The following SLC35E4 variants were observed in gnomAD, a reference collection of about 807,000 sequenced individuals.
SLC35E4 encodes solute carrier family 35, member E4.
SLC35E4 carries 15 observed loss-of-function variants against 19.3 expected under a neutral mutation model. That is an observed-to-expected ratio of 0.78 (90% confidence interval 0.52 to 1.20). The LOEUF is 1.20. Ranked by LOEUF, SLC35E4 falls within the 50% of genes most tolerant of loss-of-function variation. The pLI is 0.00. For missense variants in SLC35E4, 406 were observed against 472.3 expected, an observed-to-expected ratio of 0.86 and a Z score of 1.30; for synonymous variants, 219 against 219.9, an observed-to-expected ratio of 1.00 and a Z score of 0.04.
At chr22:30,663,947 G>C (rs1374312333), downstream of SLC35E4, 1 of 1,614,200 alleles carries the variant, frequency 6.2e-7, no homozygotes, top group Non-Finnish European at 8.5e-7. Flanking sequence ...TCTGCGAGAG[G>C]CCGCTGACTG....
intron 1 of SLC35E4, among the ~76,000 whole-genome samples, chr22:30,640,227 T>C (rs9621055): frequency 0.15 from 22,264 of 151,686 alleles, 3,186 homozygotes; most frequent in African/African-American, 0.37. Flanking sequence ...AAAAATTAGC[T>C]GGGCGTGGTG....
chr22:30,650,280 C>T (rs985919263), downstream of SLC35E4, among the ~76,000 whole-genome samples: 5 of 151,406 alleles, frequency 3.3e-5, no homozygotes, highest in East Asian at 1.9e-4. Context: ...TGCAGTGAGC[C>T]GAGATCATGC....
At chr22:30,649,105 A>G, downstream of SLC35E4, 1 of 707,668 alleles carries the variant, frequency 1.4e-6, no homozygotes, top group Non-Finnish European at 2.6e-6. Flanking sequence ...TGGAGTGAGA[A>G]CACCTGGAAC....
At chr22:30,664,053 C>A, downstream of SLC35E4, 1 of 1,524,338 alleles carries the variant, frequency 6.6e-7, no homozygotes, top group South Asian at 1.2e-5. Flanking sequence ...AAGGCTGCGT[C>A]TTTCTGCTAG....
chr22:30,654,187 T>G (rs1284461544), intron 2 of SLC35E4: 1 of 270,098 alleles, frequency 3.7e-6, no homozygotes, highest in Non-Finnish European at 7.3e-6. Flanking sequence ...GGTTTCACCA[T>G]GTTAGCCAGG....
At chr22:30,651,583 A>G (rs964849176), downstream of SLC35E4, among the ~76,000 whole-genome samples, 1 of 151,062 alleles carries the variant, frequency 6.6e-6, no homozygotes, top group African/African-American at 2.4e-5. Context: ...CTTGGCCAAA[A>G]TAAACATTTC....
downstream of SLC35E4, among the ~76,000 whole-genome samples, chr22:30,651,427 ATTTTTTT>A (rs1160256288): frequency 1.4e-4 from 3 of 22,164 alleles, no homozygotes; most frequent in African/African-American, 2.1e-4. Context: ...ATATATATAT[ATTTTTTT>A]TTTTTTTTTT....
rs760033854 is a variant in SLC35E4, at chr22:30,636,700, GCCCT to G, written c.251_254del (p.Ala84GlyfsTer44). On this transcript the variant is annotated frameshift_variant, in exon 1 of 2. Coordinates refer to ENST00000343605, the MANE Select transcript of SLC35E4 (RefSeq NM_001001479.4). LOFTEE classifies it high-confidence loss of function. Reference sequence around the variant, plus strand: ...CTTTGGGCGGCCCCTGCTGCTGTCGGCCCTGCACATGCTGGTGGCAGCCCTGGCA... The same window carrying G: ...CTTTGGGCGGCCCCTGCTGCTGTCGGGCACATGCTGGTGGCAGCCCTGGCA... 2.1e-4 allele frequency: 342 copies of G among 1,611,762 alleles called. No homozygotes were observed. The highest frequency in any genetic ancestry group is 2.8e-4 in the Non-Finnish European group (330 of 1,179,032).
At chr22:30,639,406 C>T (rs1011202798) in intron 1 of SLC35E4, among the ~76,000 whole-genome samples, 5 of 152,196 alleles carry the variant, frequency 3.3e-5, no homozygotes, top group East Asian at 1.9e-4. Flanking sequence ...AATGAAGTTT[C>T]GGGCACGCAT....
At chr22:30,650,620 T>C (rs1377418512), downstream of SLC35E4, among the ~76,000 whole-genome samples, 2 of 152,194 alleles carry the variant, frequency 1.3e-5, no homozygotes, top group Non-Finnish European at 2.9e-5. Flanking sequence ...CCTCTGTGCA[T>C]TGAGTGGGGG....
At chr22:30,654,735 G>A in intron 2 of SLC35E4, 5 of 286,152 alleles carry the variant, frequency 1.7e-5, no homozygotes, top group South Asian at 1.7e-4. Context: ...CCACCTTCCG[G>A]CCTGCTTAGC....
chr22:30,636,427 C>G lies in SLC35E4; in HGVS notation c.-24C>G. ...GAGGTCGTCACTGGGGAGCCCGCCT[C>G]CTGCCCTAGCCTCACTGGTGCGGAT... On this transcript the variant is annotated 5_prime_UTR_variant, in exon 1 of 2. Transcript: ENST00000343605. 6.9e-7 allele frequency: 1 copy of G among 1,454,200 alleles called. No homozygotes were observed. Among genetic ancestry groups the G allele is most frequent in the East Asian group, 2.5e-5 (1 of 39,878 alleles). 90.1% of individuals were successfully genotyped at this position (1,454,200 alleles called of 1,614,324 possible). A position where few individuals can be genotyped will look rare whatever the true frequency, so the allele number is the denominator to read the frequency against.
At chr22:30,650,070 G>A (rs2088184423), downstream of SLC35E4, among the ~76,000 whole-genome samples, 2 of 149,650 alleles carry the variant, frequency 1.3e-5, no homozygotes, top group South Asian at 2.1e-4. Flanking sequence ...GGTGGCTCAC[G>A]CCTGTAATCC....
downstream of SLC35E4, chr22:30,663,459 A>T (rs200350819): frequency 1.1e-4 from 185 of 1,611,768 alleles, no homozygotes; most frequent in East Asian, 3.8e-3. Context: ...CATCAAACGG[A>T]CTTCCTTCTC....
downstream of SLC35E4, among the ~76,000 whole-genome samples, chr22:30,666,209 T>G (rs1056591527): frequency 6.6e-6 from 1 of 152,080 alleles, no homozygotes; most frequent in Non-Finnish European, 1.5e-5. Flanking sequence ...CAGTGCCCAG[T>G]GGGTAACGGG....
At chr22:30,654,422 G>T in intron 2 of SLC35E4, 1 of 449,808 alleles carries the variant, frequency 2.2e-6, no homozygotes, top group South Asian at 1.6e-5. Context: ...TTTCTTGTAG[G>T]CTTCAGATGC....
intron 1 of SLC35E4, among the ~76,000 whole-genome samples, chr22:30,639,375 C>T (rs886367129): frequency 1.3e-5 from 2 of 151,976 alleles, no homozygotes; most frequent in South Asian, 2.1e-4. Context: ...ACCATAGGAC[C>T]GGGGTGAAAT....
rs746739349 is a variant in SLC35E4 at position 30,636,798 on chromosome 22, C to T, written c.348C>T (p.Thr116=). ...GCCGAGTCCTACTGCTCAGTCTCAC[C>T]TTTGGCACGTCCATGGCCTGCGGCA... is the stretch of plus-strand genomic sequence containing the variant. ...TRCRVLLLSL[T]FGTSMACGNV... The change falls in exon 1 of 2, where the codon ACC becomes ACT. Residue 116 remains threonine, a synonymous_variant. Transcript: ENST00000343605. 2.5e-6 allele frequency: 4 copies of T among 1,612,736 alleles called. No individual in the cohort carries two copies. The highest frequency in any genetic ancestry group is 1.1e-5 in the South Asian group (1 of 90,932).
At position 30,636,715 on chromosome 22, in the gene SLC35E4, G is replaced by A. The variant is rs1434699271; in HGVS notation, c.265G>A (p.Val89Met). 3 of 1,611,634 alleles carry A rather than the reference G, an allele frequency of 1.9e-6. No homozygotes were observed. The East Asian group carries it at 6.7e-5, about 36-fold the overall frequency. The change falls in exon 1 of 2, where the codon GTG becomes ATG. Residue 89 changes from valine (V) to methionine (M), a missense_variant. Physicochemically the swap from Val to Met is conservative, Grantham distance 21 (BLOSUM62 1). Transcript: ENST00000343605. Reference protein sequence around the residue: ...PLLLSALHMLVAALACHRGAR... With the variant: ...PLLLSALHMLMAALACHRGAR... ...GCTGCTGTCGGCCCTGCACATGCTG[G>A]TGGCAGCCCTGGCATGCCACCGGGG...
Sources: allele counts gnomAD v4.1 joint callset (sites outside exome capture counted in the v4.1 genomes callset), GRCh38; gene constraint gnomAD v4.1.1; transcripts MANE v1.5; gene names NCBI Gene and HGNC (gene_info 2026-07-23, HGNC 2026-07-21).